Variants in PARPBP observed in about 807,000 individuals in gnomAD.
PARPBP encodes the protein PARP1 binding protein, also known as PCNA-interacting partner.
PARPBP carries 52 observed loss-of-function variants against 50.0 expected under a neutral mutation model. The observed-to-expected ratio is 1.04, with a 90% confidence interval of 0.83 to 1.31. PARPBP has a LOEUF of 1.31. Ranked by LOEUF, PARPBP falls within the 50% of genes most tolerant of loss-of-function variation. The pLI, the probability that PARPBP is intolerant of heterozygous loss-of-function variation, is 0.00. For synonymous variants in PARPBP, 244 were observed against 232.1 expected, an observed-to-expected ratio of 1.05 and a Z score of -0.47; for missense variants, 697 against 672.0, an observed-to-expected ratio of 1.04 and a Z score of -0.41.
chr12:102,185,076 C>T (rs1890184243), intron 9 of PARPBP, among the ~76,000 whole-genome samples: 1 of 152,040 alleles, frequency 6.6e-6, no homozygotes, highest in South Asian at 2.1e-4. Flanking sequence ...TTTTAGTTTC[C>T]TCATTCTTAA....
At chr12:102,143,968 C>T (rs972883783) in intron 2 of PARPBP, among the ~76,000 whole-genome samples, 1 of 151,856 alleles carries the variant, frequency 6.6e-6, no homozygotes, top group Non-Finnish European at 1.5e-5. Context: ...TGCATTTTAT[C>T]ACCACTCTTT....
intron 9 of PARPBP, among the ~76,000 whole-genome samples, chr12:102,192,230 GTTA>G (rs1048471929): frequency 6.6e-6 from 1 of 152,000 alleles, no homozygotes; most frequent in African/African-American, 2.4e-5. Flanking sequence ...CTTCCTACAT[GTTA>G]TTACAATAAT....
At chr12:102,169,033 A>G (rs1184133750) in intron 6 of PARPBP, among the ~76,000 whole-genome samples, 1 of 152,128 alleles carries the variant, frequency 6.6e-6, no homozygotes, top group African/African-American at 2.4e-5. Context: ...TTCTTCACCA[A>G]TATTCCCTAG....
At chr12:102,125,343 A>C (rs376495574) in intron 2 of PARPBP, among the ~76,000 whole-genome samples, 52 of 152,348 alleles carry the variant, frequency 3.4e-4, no homozygotes, top group African/African-American at 1.0e-3. Flanking sequence ...AGAAAACAAT[A>C]AAACATGCGA....
At chr12:102,154,871 A>C (rs982440673) in intron 4 of PARPBP, 1 of 452,354 alleles carries the variant, frequency 2.2e-6, no homozygotes, top group South Asian at 1.6e-5. Context: ...AGCACCTTTT[A>C]ATAGGAAGCA....
chr12:102,163,555 A>T (rs904652252), intron 4 of PARPBP, among the ~76,000 whole-genome samples: 2 of 152,174 alleles, frequency 1.3e-5, no homozygotes, highest in African/African-American at 2.4e-5. Context: ...CTCTTCAGGG[A>T]TTCCAATTAC....
intron 2 of PARPBP, among the ~76,000 whole-genome samples, chr12:102,132,772 C>T (rs1594450870): frequency 6.6e-6 from 1 of 152,094 alleles, no homozygotes; most frequent in Admixed American, 6.5e-5. Flanking sequence ...AATATTAATT[C>T]TTCCAGTTCA....
intron 8 of PARPBP, among the ~76,000 whole-genome samples, chr12:102,180,596 G>T (rs73384888): frequency 1.1e-3 from 163 of 152,246 alleles, no homozygotes; most frequent in African/African-American, 3.5e-3. Flanking sequence ...CCAGCTACTT[G>T]GGAGCCTGAG....
chr12:102,164,160 T>C (rs1887883285), intron 4 of PARPBP, among the ~76,000 whole-genome samples: 1 of 152,226 alleles, frequency 6.6e-6, no homozygotes, highest in African/African-American at 2.4e-5. Flanking sequence ...GGTATACAAC[T>C]GCTGATATCT....
Position 102,148,445 on chromosome 12 carries a change from T to C in PARPBP, c.369T>C (p.Asn123=). ...GGGCTTTGACTTCTAATTGTGAAAATTATAACACAGTATCTCCTGTAAGTA... is the reference window on the plus strand; with the variant it reads ...GGGCTTTGACTTCTAATTGTGAAAACTATAACACAGTATCTCCTGTAAGTA... ...KCRALTSNCE[N]YNTVSPSQLL... Residue 123 remains asparagine, a synonymous_variant, in exon 3 of 11, where the codon AAT becomes AAC. Transcript: ENST00000327680. 7.3e-7 allele frequency: 1 copy of C among 1,378,568 alleles called. No individual in the cohort carries two copies. The highest frequency in any genetic ancestry group is 1.0e-6 in the Non-Finnish European group (1 of 972,928). 85.4% of individuals were successfully genotyped at this position (1,378,568 alleles called of 1,614,324 possible). A position where few individuals can be genotyped will look rare whatever the true frequency, so the allele number is the denominator to read the frequency against.
Position 102,148,221 on chromosome 12 carries a change from CT to C in PARPBP, c.154-4del. The C allele has an allele frequency of 5.2e-6, 5 of 970,764 alleles. No individual in the cohort carries two copies. The highest frequency in any genetic ancestry group is 7.0e-6 in the Non-Finnish European group (5 of 709,692). The allele number at this position is 970,764 out of a possible 1,614,324, so 60.1% of individuals were successfully genotyped here. ...TTATTTTTTTTTTTTTTGGCATTAT[CT>C]TTTTCAGCACAGTGGAGAATTTACA... On this transcript the variant is annotated splice_region_variant and splice_polypyrimidine_tract_variant and intron_variant, in intron 2 of 10. Transcript: ENST00000327680.
At chr12:102,141,311 CT>C (rs1010811475) in intron 2 of PARPBP, among the ~76,000 whole-genome samples, 23 of 147,716 alleles carry the variant, frequency 1.6e-4, no homozygotes, top group Non-Finnish European at 1.7e-4. Context: ...GCAACCCCTG[CT>C]TTTTTTTTTG....
chr12:102,159,706 TCTA>T (rs1049227301), intron 4 of PARPBP, among the ~76,000 whole-genome samples: 2 of 151,582 alleles, frequency 1.3e-5, no homozygotes, highest in African/African-American at 4.8e-5. Context: ...AAAAAAAAAA[TCTA>T]CTAAGTATCT....
intron 2 of PARPBP, among the ~76,000 whole-genome samples, chr12:102,144,449 T>A (rs1356341924): frequency 6.6e-6 from 1 of 152,208 alleles, no homozygotes; most frequent in Non-Finnish European, 1.5e-5. Flanking sequence ...CAATCAGTTG[T>A]TACTGGTTTG....
intron 8 of PARPBP, 29 bp downstream of exon 8, chr12:102,178,799 TA>T: frequency 7.1e-7 from 1 of 1,417,036 alleles, no homozygotes; most frequent in Non-Finnish European, 9.6e-7. Flanking sequence ...ATATGTGTTA[TA>T]AATGTTAACT....
chr12:102,143,467 A>C (rs901289544), intron 2 of PARPBP, among the ~76,000 whole-genome samples: 32 of 152,158 alleles, frequency 2.1e-4, no homozygotes, highest in African/African-American at 7.5e-4. Flanking sequence ...GCTTCAGCTC[A>C]TGCTCTGTGC....
At chr12:102,144,971 A>G (rs1885156428) in intron 2 of PARPBP, among the ~76,000 whole-genome samples, 1 of 152,098 alleles carries the variant, frequency 6.6e-6, no homozygotes, top group Non-Finnish European at 1.5e-5. Flanking sequence ...ATTAATTTCC[A>G]TTTTCATGAC....
At chr12:102,179,097 A>C (rs1509674) in intron 8 of PARPBP, among the ~76,000 whole-genome samples, 60,045 of 152,034 alleles carry the variant, frequency 0.39, 12,454 homozygotes, top group African/African-American at 0.52. Context: ...TTCCCAACCA[A>C]CATGTTCTTA....
chr12:102,136,885 A>AT (rs1883720793), intron 2 of PARPBP, among the ~76,000 whole-genome samples: 1 of 151,758 alleles, frequency 6.6e-6, no homozygotes, highest in South Asian at 2.1e-4. Flanking sequence ...CATGACGTAT[A>AT]TTTTTTATCC....
Sources: allele counts gnomAD v4.1 joint callset (sites outside exome capture counted in the v4.1 genomes callset), GRCh38; gene constraint gnomAD v4.1.1; transcripts MANE v1.5; gene names NCBI Gene and HGNC (gene_info 2026-07-23, HGNC 2026-07-21).